The following NCAM2 variants were observed in gnomAD, a reference collection of about 807,000 sequenced individuals.
The protein encoded by NCAM2 is neural cell adhesion molecule 2, also known as N-CAM-2.
Under a neutral mutation model 98.1 loss-of-function variants are expected in NCAM2, and 30 were observed. That is an observed-to-expected ratio of 0.31 (90% CI 0.23 to 0.41). The LOEUF (loss-of-function observed/expected upper bound fraction) is 0.41. Among genes scored for constraint, NCAM2 ranks in the 10% least tolerant of loss-of-function variants. The pLI, the probability that NCAM2 is intolerant of heterozygous loss-of-function variation, is 1.00. For synonymous variants in NCAM2, 368 were observed against 342.4 expected (o/e 1.07, Z -0.83); for missense variants, 867 against 1,005.8 (o/e 0.86, Z 1.87).
At chr21:21,361,570 T>C (rs2075646676) in intron 8 of NCAM2, among the ~76,000 whole-genome samples, 1 of 152,088 alleles carries the variant, frequency 6.6e-6, no homozygotes, top group Admixed American at 6.6e-5. Context: ...TTCTTGGATT[T>C]CTCTAATGAT....
chr21:21,086,040 A>G (rs563857815), intron 1 of NCAM2, among the ~76,000 whole-genome samples: 1 of 152,340 alleles, frequency 6.6e-6, no homozygotes, highest in Non-Finnish European at 1.5e-5. Flanking sequence ...CTAATATTTC[A>G]CTTGCAGTAT....
At chr21:21,421,750 G>T (rs1461676679) in intron 11 of NCAM2, among the ~76,000 whole-genome samples, 2 of 152,050 alleles carry the variant, frequency 1.3e-5, no homozygotes, top group Non-Finnish European at 2.9e-5. Flanking sequence ...TATTTGCCTT[G>T]TAAAAGGTCA....
intron 9 of NCAM2, among the ~76,000 whole-genome samples, chr21:21,403,770 A>G (rs988155237): frequency 1.1e-4 from 17 of 152,198 alleles, no homozygotes; most frequent in African/African-American, 3.9e-4. Context: ...ATAGGTAAAT[A>G]TTAGTTTGAA....
intron 12 of NCAM2, among the ~76,000 whole-genome samples, chr21:21,452,397 G>A (rs1981260074): frequency 6.8e-6 from 1 of 147,078 alleles, no homozygotes; most frequent in African/African-American, 2.5e-5. Context: ...AATTGCTAGA[G>A]ATTCCATAGT....
intron 1 of NCAM2, among the ~76,000 whole-genome samples, chr21:21,142,985 T>G (rs973486005): frequency 2.6e-5 from 4 of 152,228 alleles, no homozygotes; most frequent in African/African-American, 9.6e-5. Context: ...GTCACAATTA[T>G]TAGCCCTGGT....
At chr21:21,112,700 C>G (rs1183319806) in intron 1 of NCAM2, among the ~76,000 whole-genome samples, 1 of 152,150 alleles carries the variant, frequency 6.6e-6, no homozygotes, top group African/African-American at 2.4e-5. Context: ...TTATCACCCA[C>G]AAGCAAGTGG....
At chr21:21,195,573 A>T (rs941865830) in intron 1 of NCAM2, among the ~76,000 whole-genome samples, 1 of 152,228 alleles carries the variant, frequency 6.6e-6, no homozygotes, top group African/African-American at 2.4e-5. Context: ...ACATTAATAT[A>T]ACAGCATTAG....
rs1311493452 is a variant in NCAM2 at position 21,033,103 on chromosome 21, G to A, written c.55+34485G>A. 2.6e-5 allele frequency among the ~76,000 whole-genome samples: 4 copies of A among 151,768 alleles called. 1 individual carries two copies. The South Asian group carries it at 6.3e-4, about 24-fold the overall frequency. On this transcript the variant is annotated intron_variant, in intron 1 of 17. Coordinates refer to ENST00000400546, the MANE Select transcript of NCAM2 (RefSeq NM_004540.5). ...GTAGCTGGGATTACAGGCACCCACC[G>A]CCACACCCAGCTAATTTTTGTGTTT...
At chr21:21,477,511 T>A (rs1448049928) in intron 15 of NCAM2, 40 bp downstream of exon 15, 1 of 1,424,404 alleles carries the variant, frequency 7.0e-7, no homozygotes, top group Non-Finnish European at 9.4e-7. Flanking sequence ...GAACAATAAA[T>A]ATGATACCAC....
intron 8 of NCAM2, among the ~76,000 whole-genome samples, chr21:21,343,352 T>TACACACACACAC (rs1207234552): frequency 0.021 from 2,275 of 110,056 alleles, 42 homozygotes; most frequent in East Asian, 0.053. Context: ...CAACTATCTA[T>TACACACACACAC]ACACATACAC....
intron 1 of NCAM2, among the ~76,000 whole-genome samples, chr21:21,267,580 G>GA (rs76790937): frequency 2.0e-5 from 3 of 151,684 alleles, no homozygotes; most frequent in African/African-American, 4.8e-5. Flanking sequence ...TCATTTGGAA[G>GA]AAAAAAAATT....
chr21:21,472,964 A>G (rs1602442739), intron 14 of NCAM2, among the ~76,000 whole-genome samples: 1 of 132,006 alleles, frequency 7.6e-6, no homozygotes, highest in East Asian at 2.0e-4. Flanking sequence ...ATATACATAT[A>G]TGTACACACA....
chr21:21,191,323 A>G (rs1049003650), intron 1 of NCAM2, among the ~76,000 whole-genome samples: 13 of 152,218 alleles, frequency 8.5e-5, no homozygotes, highest in African/African-American at 2.7e-4. Context: ...TATAAGACCA[A>G]TGATGGATTT....
At position 21,258,450 on chromosome 21, in the gene NCAM2, G is replaced by T. The variant is rs75214319; in HGVS notation, c.56-22128G>T. ...AAAAAACAAAAGCAGAGAGAGTCTG[G>T]TAGAGATTGACTCCTGAGGTAATCA... On this transcript the variant is annotated intron_variant, in intron 1 of 17. Coordinates refer to ENST00000400546, the MANE Select transcript of NCAM2 (RefSeq NM_004540.5). 1.2e-4 allele frequency among the ~76,000 whole-genome samples: 19 copies of T among 152,258 alleles called. No individual in the cohort carries two copies. The East Asian group carries it at 3.5e-3, about 28-fold the overall frequency.
At chr21:21,275,249 G>A (rs1339541671) in intron 1 of NCAM2, among the ~76,000 whole-genome samples, 1 of 151,658 alleles carries the variant, frequency 6.6e-6, no homozygotes, top group African/African-American at 2.4e-5. Context: ...GACCATCCTG[G>A]CTAACACGGT....
intron 9 of NCAM2, among the ~76,000 whole-genome samples, chr21:21,380,125 C>G (rs1289683624): frequency 2.6e-5 from 4 of 152,210 alleles, no homozygotes; most frequent in Middle Eastern, 3.4e-3. Context: ...ATGTTAATCT[C>G]CTTTGGCAAC....
chr21:21,430,954 G>T (rs1432382744), intron 11 of NCAM2, among the ~76,000 whole-genome samples: 1 of 150,062 alleles, frequency 6.7e-6, no homozygotes, highest in African/African-American at 2.5e-5. Context: ...GCTGAAGCAG[G>T]AGAATGGCAT....
intron 16 of NCAM2, among the ~76,000 whole-genome samples, chr21:21,516,150 A>G (rs1988699784): frequency 6.6e-6 from 1 of 152,078 alleles, no homozygotes; most frequent in Non-Finnish European, 1.5e-5. Flanking sequence ...TCCCCAAAGA[A>G]CCACATCTAC....
At chr21:21,407,376 G>C (rs1358057893) in intron 9 of NCAM2, among the ~76,000 whole-genome samples, 1 of 152,162 alleles carries the variant, frequency 6.6e-6, no homozygotes, top group African/African-American at 2.4e-5. Context: ...TGTATTGCCT[G>C]TAGCAAGTAT....
Sources: gnomAD v4.1 joint callset for allele counts (sites outside exome capture counted in the v4.1 genomes callset) on GRCh38, gnomAD v4.1.1 for gene constraint, MANE v1.5 for transcripts, NCBI Gene and HGNC (gene_info 2026-07-23, HGNC 2026-07-21) for gene names.